Variants in RNF126 observed in about 807,000 individuals in gnomAD.
The protein encoded by RNF126 is ring finger protein 126.
Under a neutral mutation model 41.9 loss-of-function variants are expected in RNF126, and 20 were observed. The ratio of observed to expected loss-of-function variants is 0.48; its 90% CI spans 0.34 to 0.69. The LOEUF (loss-of-function observed/expected upper bound fraction) is 0.69. RNF126 is among the 30% of genes least tolerant of loss of function. The pLI, the probability that RNF126 is intolerant of heterozygous loss-of-function variation, is 0.01. For synonymous variants in RNF126, 239 were observed against 202.9 expected, an observed-to-expected ratio of 1.18 and a Z score of -1.51; for missense variants, 433 against 460.6, an observed-to-expected ratio of 0.94 and a Z score of 0.55.
At chr19:651,508 T>C (rs762075303) in intron 4 of RNF126, 103 bp downstream of exon 4, 45 of 1,229,596 alleles carry the variant, frequency 3.7e-5, no homozygotes, top group Non-Finnish European at 4.6e-5. Context: ...AGAGAGCCTA[T>C]GGATGATGCC....
Position 659,816 on chromosome 19 carries a change from T to G in RNF126, c.75+3231A>C, listed in dbSNP as rs1264615601. On this transcript the variant is annotated intron_variant, in intron 1 of 8. Coordinates refer to ENST00000292363, the MANE Select transcript of RNF126 (RefSeq NM_194460.3). The surrounding 1 kb of genome is among the most constrained non-coding windows in gnomAD (Gnocchi z 4.9). ...TCTTGCTCTGTCACCCAGGCTGGAC[T>G]GCAGTGGCACAATCTCGGCTCACTG... Among the ~76,000 whole-genome samples the G allele has an allele frequency of 6.6e-6, 1 of 150,904 alleles. No individual in the cohort carries two copies. Among genetic ancestry groups the G allele is most frequent in the South Asian group, 2.1e-4 (1 of 4,786 alleles).
intron 2 of RNF126, 65 bp downstream of exon 2, chr19:652,761 C>T (rs2030380263): frequency 4.7e-6 from 7 of 1,482,830 alleles, no homozygotes; most frequent in East Asian, 2.3e-5. Flanking sequence ...CAGCACAGCC[C>T]ACACCCCTAC....
rs2030884991 is a variant in RNF126, at chr19:663,141, G to A, written c.-20C>T. ...GGCCATGGCCGCCGCCACCTACTCC[G>A]CGCCGCCCGCCCCCCGCGCGGCACC... On this transcript the variant is annotated 5_prime_UTR_variant, in exon 1 of 9. Transcript: ENST00000292363. The A allele has an allele frequency of 8.5e-7, 1 of 1,179,012 alleles. No homozygotes were observed. The highest frequency in any genetic ancestry group is 3.7e-5 in the East Asian group (1 of 26,964). The allele number at this position is 1,179,012 out of a possible 1,614,324, so 73.0% of individuals were successfully genotyped here. A position where few individuals can be genotyped will look rare whatever the true frequency, so the allele number is the denominator to read the frequency against.
chr19:649,655 CTCT>C, intron 6 of RNF126, 21 bp downstream of exon 6: 1 of 1,549,064 alleles, frequency 6.5e-7, no homozygotes, highest in Admixed American at 1.9e-5. Flanking sequence ...CCAGCAGGCA[CTCT>C]GGGCCGTGGC....
intron 1 of RNF126, among the ~76,000 whole-genome samples, chr19:653,640 G>A (rs757343895): frequency 4.3e-4 from 66 of 152,326 alleles, no homozygotes; most frequent in Non-Finnish European, 6.8e-4. Context: ...ATGGCGGAGC[G>A]TGCCGAGCAT....
chr19:651,975 G>A, intron 3 of RNF126, 120 bp from the exon 4 acceptor site: 3 of 920,728 alleles, frequency 3.3e-6, no homozygotes, highest in African/African-American at 1.7e-5. Flanking sequence ...GGGTGGGAGG[G>A]AGACGCAGAC....
At position 659,954 on chromosome 19, in the gene RNF126, G is replaced by A. The variant is rs374000460; in HGVS notation, c.75+3093C>T. ...AATCTTTTGTATTTTTAGTAGGGAT[G>A]GGGTTTTACCATGTTAGCCAGGCTG... is the stretch of plus-strand genomic sequence containing the variant. On this transcript the variant is annotated intron_variant, in intron 1 of 8. Transcript: ENST00000292363. This position sits in a 1 kb window ranked among gnomAD's most constrained non-coding sequence, Gnocchi z 4.9. Among the ~76,000 whole-genome samples, 14 of 152,222 alleles carry A rather than the reference G, an allele frequency of 9.2e-5. No individual in the cohort carries two copies. The East Asian group carries it at 2.7e-3, about 29-fold the overall frequency.
At chr19:654,100 G>A (rs879687923) in intron 1 of RNF126, among the ~76,000 whole-genome samples, 26 of 152,362 alleles carry the variant, frequency 1.7e-4, no homozygotes, top group Admixed American at 1.7e-3. Context: ...TGCCCAAGGG[G>A]AGGGCCGACA....
Position 663,134 on chromosome 19 carries a change from C to T in RNF126, c.-13G>A. 1 of 1,214,360 alleles carries T rather than the reference C, an allele frequency of 8.2e-7. No individual in the cohort carries two copies. The highest frequency in any genetic ancestry group is 1.0e-6 in the Non-Finnish European group (1 of 971,892). The allele number at this position is 1,214,360 out of a possible 1,614,324, so 75.2% of individuals were successfully genotyped here. On this transcript the variant is annotated 5_prime_UTR_variant, in exon 1 of 9. Coordinates refer to ENST00000292363, the MANE Select transcript of RNF126 (RefSeq NM_194460.3). ...ACGCCTCGGCCATGGCCGCCGCCAC[C>T]TACTCCGCGCCGCCCGCCCCCCGCG...
At chr19:654,292 G>C (rs939559645) in intron 1 of RNF126, among the ~76,000 whole-genome samples, 5 of 152,214 alleles carry the variant, frequency 3.3e-5, no homozygotes, top group Admixed American at 2.6e-4. Flanking sequence ...CCCGGCTCCT[G>C]GTGAGGCCGG....
chr19:652,925 C>A, intron 1 of RNF126, 41 bp from the exon 2 acceptor site: 15 of 1,578,952 alleles, frequency 9.5e-6, no homozygotes, highest in Non-Finnish European at 1.3e-5. Flanking sequence ...GTGACGCCGG[C>A]ATCACCTGCA....
At chr19:649,262 G>C (rs983894518) in intron 6 of RNF126, 7 of 318,310 alleles carry the variant, frequency 2.2e-5, no homozygotes, top group Admixed American at 1.5e-4. Context: ...ACGGCGGAAT[G>C]GGGGGGCCGT....
In RNF126 at chr19:648,989, G is replaced by A; in HGVS notation, c.577-14C>T. ...CTGATTGAGGAGCTGAAAGACAAGA[G>A]GCGAGAGTGCCGGGAGCTCCTCGGG... On this transcript the variant is annotated splice_polypyrimidine_tract_variant and intron_variant, in intron 6 of 8. Transcript: ENST00000292363. The A allele has an allele frequency of 1.5e-6, 2 of 1,362,784 alleles. No individual in the cohort carries two copies. Among genetic ancestry groups the A allele is most frequent in the Non-Finnish European group, 1.9e-6 (2 of 1,047,788 alleles). The allele number at this position is 1,362,784 out of a possible 1,614,324, so 84.4% of individuals were successfully genotyped here.
intron 1 of RNF126, among the ~76,000 whole-genome samples, chr19:662,810 C>T (rs2030867919): frequency 6.6e-6 from 1 of 152,124 alleles, no homozygotes; most frequent in African/African-American, 2.4e-5. Flanking sequence ...GCCGCTCCGG[C>T]CAGGCCCTGC....
At chr19:657,482 G>A (rs2144772320) in intron 1 of RNF126, among the ~76,000 whole-genome samples, 1 of 152,324 alleles carries the variant, frequency 6.6e-6, no homozygotes, top group East Asian at 1.9e-4. Context: ...CAGCGGCCGT[G>A]GGGCCTGGTG....
chr19:653,929 G>A (rs1179344792), intron 1 of RNF126, among the ~76,000 whole-genome samples: 1 of 152,222 alleles, frequency 6.6e-6, no homozygotes, highest in East Asian at 1.9e-4. Context: ...CGTGCATGGG[G>A]GAGTGCTGTG....
chr19:648,792 A>G, intron 7 of RNF126, 90 bp downstream of exon 7: 1 of 815,370 alleles, frequency 1.2e-6, no homozygotes, highest in Non-Finnish European at 1.9e-6. Flanking sequence ...AACATGGTGA[A>G]ACCCTGTCTC....
intron 2 of RNF126, chr19:652,537 G>A (rs572672384): frequency 6.7e-6 from 4 of 600,284 alleles, no homozygotes; most frequent in South Asian, 2.0e-5. Context: ...ATGTGGGTAG[G>A]GCCCCCGTGG....
chr19:652,750 C>T, intron 2 of RNF126, 76 bp downstream of exon 2: 3 of 1,407,462 alleles, frequency 2.1e-6, no homozygotes, highest in Non-Finnish European at 3.0e-6. Flanking sequence ...GGGGCGGACG[C>T]CAGCACAGCC....
Sources: allele counts gnomAD v4.1 joint callset (sites outside exome capture counted in the v4.1 genomes callset), GRCh38; gene constraint gnomAD v4.1.1; non-coding constraint Gnocchi (gnomAD v3.1); transcripts MANE v1.5; gene names NCBI Gene and HGNC (gene_info 2026-07-23, HGNC 2026-07-21).